AMTN: variants seen among roughly 807,000 people sequenced by gnomAD.
The protein encoded by AMTN is RSTI689.
A neutral mutation model predicts 27.4 loss-of-function variants in AMTN; 29 were observed. The observed-to-expected ratio is 1.06, with a 90% CI of 0.79 to 1.44. AMTN has a LOEUF of 1.44. Among genes scored for constraint, AMTN ranks in the 40% most tolerant of loss-of-function variants. The pLI, the probability that AMTN is intolerant of heterozygous loss-of-function variation, is 0.00. For synonymous variants in AMTN, 86 were observed against 95.7 expected (o/e 0.90, Z 0.59); for missense variants, 247 against 248.8 (o/e 0.99, Z 0.05).
In AMTN at chr4:70,528,741, A is replaced by T. The variant is rs781379790; in HGVS notation, c.313A>T (p.Thr105Ser). 1.2e-6 allele frequency: 2 copies of T among 1,604,520 alleles called. No individual in the cohort carries two copies. Among genetic ancestry groups the T allele is most frequent in the East Asian group, 4.5e-5 (2 of 44,592 alleles). The change falls in exon 6 of 9, where the codon ACA becomes TCA. Residue 105 changes from threonine (T) to serine (S), a missense_variant. Thr to Ser is a moderately conservative substitution (Grantham distance 58). Coordinates refer to ENST00000339336, the MANE Select transcript of AMTN (RefSeq NM_212557.4). ...TTTTCAGGTGTTACCAATTTTTGTC[A>T]CACAACTTGGAGCCCAGGTAAAAAT... is the stretch of plus-strand genomic sequence containing the variant. Reference protein sequence around the residue: ...LHPHVLPIFVTQLGAQGTILS... With the variant: ...LHPHVLPIFVSQLGAQGTILS...
At chr4:70,523,728 C>A in intron 3 of AMTN, 140 bp from the exon 4 acceptor site, 1 of 697,444 alleles carries the variant, frequency 1.4e-6, no homozygotes, top group Non-Finnish European at 2.5e-6. Context: ...TAGTGAGAGG[C>A]CCCGAGGCTT....
intron 8 of AMTN, among the ~76,000 whole-genome samples, chr4:70,531,837 G>C (rs1322265743): frequency 6.6e-6 from 1 of 151,864 alleles, no homozygotes; most frequent in Admixed American, 6.6e-5. Flanking sequence ...TGTATTATTT[G>C]TAAAAACGGG....
chr4:70,519,442 T>C (rs1735899918), intron 2 of AMTN, among the ~76,000 whole-genome samples: 1 of 152,196 alleles, frequency 6.6e-6, no homozygotes, highest in African/African-American at 2.4e-5. Flanking sequence ...TGGACTTCTC[T>C]TTGACTGTTC....
In AMTN at chr4:70,522,753, A is replaced by C. The variant is rs779389513; in HGVS notation, c.55-2A>C. On this transcript the variant is annotated splice_acceptor_variant, in intron 2 of 8. Coordinates refer to ENST00000339336, the MANE Select transcript of AMTN (RefSeq NM_212557.4). LOFTEE classifies it high-confidence loss of function. ...TCAAATATGTATTTGTTTTCACAAA[A>C]GCAGCTCAAACCTGCTTTGGGACTC... The C allele has an allele frequency of 8.7e-6, 14 of 1,613,910 alleles. No individual in the cohort carries two copies. Among genetic ancestry groups the C allele is most frequent in the Middle Eastern group, 1.6e-4 (1 of 6,080 alleles).
chr4:70,521,376 C>CT (rs1180767095), intron 2 of AMTN, among the ~76,000 whole-genome samples: 2 of 63,980 alleles, frequency 3.1e-5, no homozygotes, highest in African/African-American at 6.6e-5. Flanking sequence ...CAAGACTCCA[C>CT]TTAAAAAAAA....
intron 8 of AMTN, among the ~76,000 whole-genome samples, chr4:70,531,886 C>A (rs1056457992): frequency 6.6e-6 from 1 of 152,198 alleles, no homozygotes; most frequent in South Asian, 2.1e-4. Context: ...GAACTCCTGG[C>A]CTCAAGCAAT....
At chr4:70,527,781 G>A (rs193247511) in intron 5 of AMTN, among the ~76,000 whole-genome samples, 270 of 152,156 alleles carry the variant, frequency 1.8e-3, no homozygotes, top group Admixed American at 5.6e-3. Flanking sequence ...ACTTCTGGCC[G>A]GTTCTCAAAG....
In AMTN at chr4:70,529,206, A is replaced by C; in HGVS notation, c.353A>C (p.Glu118Ala). 2 of 1,545,804 alleles carry C rather than the reference A, an allele frequency of 1.3e-6. No homozygotes were observed. The highest frequency in any genetic ancestry group is 8.7e-7 in the Non-Finnish European group (1 of 1,150,908). The change falls in exon 7 of 9, where the codon GAA (glutamate) becomes GCA (alanine). Residue 118 changes from glutamate to alanine, a missense_variant. By Grantham distance (107) the Glu-to-Ala change is moderately radical (BLOSUM62 -1). Transcript: ENST00000339336. ...GAQGTILSSE[E>A]LPQIFTSLII... ...TAGGGCACTATCCTAAGCTCAGAGG[A>C]ATTGGTAAAAAAAATAAAAATACTA...
chr4:70,529,652 T>C (rs746785401), intron 7 of AMTN, among the ~76,000 whole-genome samples: 11 of 152,182 alleles, frequency 7.2e-5, no homozygotes, highest in Admixed American at 1.3e-4. Flanking sequence ...AAATGAACTC[T>C]TTCCTACACA....
chr4:70,527,064 T>G (rs764060074), intron 5 of AMTN, among the ~76,000 whole-genome samples: 1 of 152,202 alleles, frequency 6.6e-6, no homozygotes, highest in Non-Finnish European at 1.5e-5. Flanking sequence ...AGCTCTACAC[T>G]TATTACTTAT....
chr4:70,519,176 A>G (rs536321047), intron 2 of AMTN, among the ~76,000 whole-genome samples: 24 of 152,352 alleles, frequency 1.6e-4, no homozygotes, highest in African/African-American at 5.3e-4. Flanking sequence ...TTATTTGCTC[A>G]TGAATAAAGA....
intron 5 of AMTN, among the ~76,000 whole-genome samples, chr4:70,528,503 A>C (rs1045327516): frequency 1.3e-5 from 2 of 152,150 alleles, no homozygotes; most frequent in Non-Finnish European, 2.9e-5. Context: ...ATAAAAAATT[A>C]ACTGGGCATA....
In AMTN at chr4:70,529,171, AT is replaced by A; in HGVS notation, c.331-9del. On this transcript the variant is annotated splice_polypyrimidine_tract_variant and intron_variant, in intron 6 of 8. Coordinates refer to ENST00000339336, the MANE Select transcript of AMTN (RefSeq NM_212557.4). ...ATGTGTCTAACAAATTGTGTTTGTCATTTTGCTTTTAGGGCACTATCCTAAG... is the reference window on the plus strand; with the variant it reads ...ATGTGTCTAACAAATTGTGTTTGTCATTTGCTTTTAGGGCACTATCCTAAG... 6.4e-7 allele frequency: 1 copy of A among 1,553,354 alleles called. No homozygotes were observed.
Position 70,524,882 on chromosome 4 carries a change from C to T in AMTN, c.215C>T (p.Ala72Val), listed in dbSNP as rs1172173137. 1 of 1,613,936 alleles carries T rather than the reference C, an allele frequency of 6.2e-7. No homozygotes were observed. The highest frequency in any genetic ancestry group is 1.7e-5 in the Admixed American group (1 of 59,996). The change falls in exon 5 of 9, where the codon GCT becomes GTT. Residue 72 changes from alanine to valine, a missense_variant. Physicochemically the swap from Ala to Val is moderately conservative, Grantham distance 64 (BLOSUM62 0). Transcript: ENST00000339336. ...TTCCTTGCCCTACAGTTAAATCCTG[C>T]TGCAGGAATGACACCTGGTACCCAG... The part of the protein sequence containing the change: ...LGPDLHLLNP[A>V]AGMTPGTQTH...
In AMTN at chr4:70,531,279, GC is replaced by G; in HGVS notation, c.600del (p.Thr201ProfsTer24). The G allele has an allele frequency of 6.2e-7, 1 of 1,613,866 alleles. No homozygotes were observed. ...AAGGAGCACACATGCCATCGAGGAA[GC>G]CACCACAGAATCAGCAAATGGTAAA... ...IQRSTHAIEE[A>X]TTESANGIQ On this transcript the variant is annotated frameshift_variant, in exon 8 of 9. Transcript: ENST00000339336. LOFTEE classifies it high-confidence loss of function.
rs538818748 is a variant in AMTN, at chr4:70,524,471, G to A, written c.205-401G>A. Among the ~76,000 whole-genome samples the A allele has an allele frequency of 1.4e-4, 21 of 152,302 alleles. No individual in the cohort carries two copies. The South Asian group carries it at 2.9e-3, about 21-fold the overall frequency. On this transcript the variant is annotated intron_variant, in intron 4 of 8. Coordinates refer to ENST00000339336, the MANE Select transcript of AMTN (RefSeq NM_212557.4). ...ATAGCTCATGTTCCAGACAAAATATGTAGTCTGAACCTCATAATTTTCACG... is the reference window on the plus strand; with the variant it reads ...ATAGCTCATGTTCCAGACAAAATATATAGTCTGAACCTCATAATTTTCACG...
rs1056976727 is a variant in AMTN at position 70,528,635 on chromosome 4, G to A, written c.295-88G>A. 1.6e-5 allele frequency: 19 copies of A among 1,193,050 alleles called. No homozygotes were observed. In the African/African-American group the frequency reaches 2.0e-4, roughly 12 times the overall value. 73.9% of individuals were successfully genotyped at this position (1,193,050 alleles called of 1,614,324 possible). On this transcript the variant is annotated intron_variant, in intron 5 of 8. Coordinates refer to ENST00000339336, the MANE Select transcript of AMTN (RefSeq NM_212557.4). ...ACTGCACTCCAGCCTGGGCAACAGA[G>A]CAAGACTCCATCTCCAAAAAAAGAT...
intron 5 of AMTN, among the ~76,000 whole-genome samples, chr4:70,528,323 A>C (rs1204550663): frequency 6.6e-6 from 1 of 152,196 alleles, no homozygotes; most frequent in Admixed American, 6.5e-5. Context: ...CATTAGTAAT[A>C]AATATCTGTT....
chr4:70,525,522 C>T (rs896848690), intron 5 of AMTN, among the ~76,000 whole-genome samples: 2 of 152,162 alleles, frequency 1.3e-5, no homozygotes, highest in African/African-American at 4.8e-5. Flanking sequence ...TTAGGCATCA[C>T]CTGTTTTTGA....
Sources: gnomAD v4.1 joint callset for allele counts (sites outside exome capture counted in the v4.1 genomes callset) on GRCh38, gnomAD v4.1.1 for gene constraint, MANE v1.5 for transcripts, NCBI Gene and HGNC (gene_info 2026-07-23, HGNC 2026-07-21) for gene names.